The following TYR variants were observed in gnomAD, a reference collection of about 807,000 sequenced individuals.
TYR encodes the protein LB24-AB.
Under a neutral mutation model 51.5 loss-of-function variants are expected in TYR, and 58 were observed. That is an observed-to-expected ratio of 1.13 (90% CI 0.91 to 1.40). TYR has a LOEUF of 1.40. TYR is among the 40% of genes most tolerant of loss of function. The pLI, the probability that TYR is intolerant of heterozygous loss-of-function variation, is 0.00. For missense variants in TYR, 732 were observed against 647.4 expected (o/e 1.13, Z -1.42); for synonymous variants, 263 against 235.2 (o/e 1.12, Z -1.08).
intron 4 of TYR, among the ~76,000 whole-genome samples, chr11:89,288,324 G>A (rs970195736): frequency 2.0e-5 from 3 of 151,946 alleles, no homozygotes; most frequent in African/African-American, 7.2e-5. Flanking sequence ...GCTAGTAAGT[G>A]TCAAATACTG....
chr11:89,179,200 A>G (rs1943269192), intron 1 of TYR, among the ~76,000 whole-genome samples: 2 of 152,238 alleles, frequency 1.3e-5, no homozygotes, highest in African/African-American at 4.8e-5. Context: ...CATATGGTGT[A>G]CAAATTAAAA....
intron 2 of TYR, among the ~76,000 whole-genome samples, chr11:89,204,606 C>A (rs778252325): frequency 5.5e-4 from 83 of 151,966 alleles, no homozygotes; most frequent in Admixed American, 1.6e-3. Context: ...CTATGTTGGT[C>A]TGGCTAGCTC....
chr11:89,210,556 CAGG>C (rs1420347436), intron 2 of TYR, among the ~76,000 whole-genome samples: 1 of 152,126 alleles, frequency 6.6e-6, no homozygotes, highest in African/African-American at 2.4e-5. Flanking sequence ...GGATATTATC[CAGG>C]AGAACTTCCC....
At chr11:89,284,663 C>G in intron 3 of TYR, 110 bp from the exon 4 acceptor site, 1 of 968,696 alleles carries the variant, frequency 1.0e-6, no homozygotes, top group Non-Finnish European at 1.6e-6. Flanking sequence ...TATTCAACAT[C>G]TTTCCATGTC....
intron 3 of TYR, among the ~76,000 whole-genome samples, chr11:89,249,471 C>CA (rs35342940): frequency 0.44 from 30,870 of 69,438 alleles, 5,925 homozygotes; most frequent in Non-Finnish European, 0.5. Flanking sequence ...GCCATGTAGC[C>CA]AAAAAAAAAA....
intron 2 of TYR, among the ~76,000 whole-genome samples, chr11:89,221,094 A>G (rs1015790255): frequency 1.3e-5 from 2 of 152,196 alleles, no homozygotes; most frequent in African/African-American, 4.8e-5. Context: ...CTGTTTTCAA[A>G]CCTTATTTGC....
chr11:89,237,073 C>A (rs751443941), intron 3 of TYR, among the ~76,000 whole-genome samples: 4 of 152,160 alleles, frequency 2.6e-5, no homozygotes, highest in African/African-American at 4.8e-5. Flanking sequence ...TAATGGCCAA[C>A]ACACCACTGC....
chr11:89,231,205 G>GAAAAAAAA, intron 3 of TYR, among the ~76,000 whole-genome samples: 1 of 104,662 alleles, frequency 9.6e-6, no homozygotes. Flanking sequence ...AGGAATTGTT[G>GAAAAAAAA]TACTGTTCAT....
chr11:89,285,810 C>T (rs185505080), intron 4 of TYR, among the ~76,000 whole-genome samples: 1 of 151,876 alleles, frequency 6.6e-6, no homozygotes, highest in African/African-American at 2.4e-5. Context: ...GGAGGTCCTC[C>T]TCATCTCACC....
At chr11:89,222,673 A>T (rs1398385397) in intron 2 of TYR, among the ~76,000 whole-genome samples, 1 of 152,086 alleles carries the variant, frequency 6.6e-6, no homozygotes, top group Non-Finnish European at 1.5e-5. Flanking sequence ...CAGGAGGTGG[A>T]GGTTGCAGAA....
intron 3 of TYR, among the ~76,000 whole-genome samples, chr11:89,261,789 T>A (rs549369155): frequency 6.6e-6 from 1 of 152,178 alleles, no homozygotes; most frequent in African/African-American, 2.4e-5. Context: ...CAGGATTAAT[T>A]ACATGTGAGA....
chr11:89,264,425 T>C (rs1371435027), intron 3 of TYR, among the ~76,000 whole-genome samples: 83 of 152,010 alleles, frequency 5.5e-4, no homozygotes, highest in South Asian at 2.1e-4. Flanking sequence ...GTTGATTACA[T>C]AGGTAAACTA....
chr11:89,185,143 A>T (rs1591138546), intron 1 of TYR, among the ~76,000 whole-genome samples: 1 of 152,264 alleles, frequency 6.6e-6, no homozygotes. Context: ...GGGTCTTTAT[A>T]TCCCGTTAGC....
intron 3 of TYR, among the ~76,000 whole-genome samples, chr11:89,240,495 T>C (rs1342810144): frequency 1.3e-5 from 2 of 152,166 alleles, no homozygotes; most frequent in African/African-American, 4.8e-5. Flanking sequence ...TAAAAATTAG[T>C]TCTTTTTGTC....
rs759883540 is a variant in TYR at position 89,295,377 on chromosome 11, C to A, written c.*11C>A. ...CAGAGCCATTTATAAAAGGCTTAGG[C>A]AATAGAGTAGGGCCAAAAAGCCTGA... On this transcript the variant is annotated 3_prime_UTR_variant, in exon 5 of 5. Transcript: ENST00000263321. 39 of 1,574,128 alleles carry A rather than the reference C, an allele frequency of 2.5e-5. No individual in the cohort carries two copies. The highest frequency in any genetic ancestry group is 7.0e-5 in the Admixed American group (4 of 57,306).
chr11:89,178,113 T>C lies in TYR; in HGVS notation c.160T>C (p.Ser54Pro). ...SPCGQLSGRGSCQNILLSNAP... is the reference protein window; with the variant it reads ...SPCGQLSGRGPCQNILLSNAP... ...CTGTGGCCAGCTTTCAGGCAGAGGT[T>C]CCTGTCAGAATATCCTTCTGTCCAA... Residue 54 changes from serine (S) to proline (P), a missense_variant, in exon 1 of 5, where the codon TCC (serine) becomes CCC (proline). Coordinates refer to ENST00000263321, the MANE Select transcript of TYR (RefSeq NM_000372.5). 1 of 1,614,182 alleles carries C rather than the reference T, an allele frequency of 6.2e-7. No homozygotes were observed. Among genetic ancestry groups the C allele is most frequent in the Non-Finnish European group, 8.5e-7 (1 of 1,180,030 alleles).
intron 4 of TYR, among the ~76,000 whole-genome samples, chr11:89,288,254 G>GT (rs1944815123): frequency 6.6e-6 from 1 of 151,874 alleles, no homozygotes; most frequent in Non-Finnish European, 1.5e-5. Context: ...TTTTTATTCT[G>GT]TTTTACAGGT....
chr11:89,247,012 A>G (rs1716243257), intron 3 of TYR, among the ~76,000 whole-genome samples: 1 of 152,096 alleles, frequency 6.6e-6, no homozygotes. Context: ...TTCTTTTCAC[A>G]CTGTTGGATT....
intron 2 of TYR, among the ~76,000 whole-genome samples, chr11:89,212,441 A>T (rs956286582): frequency 7.2e-5 from 11 of 152,214 alleles, no homozygotes; most frequent in African/African-American, 2.7e-4. Flanking sequence ...TGAGGCAATA[A>T]TTAATAGCCT....
Sources: allele counts gnomAD v4.1 joint callset (sites outside exome capture counted in the v4.1 genomes callset), GRCh38; gene constraint gnomAD v4.1.1; transcripts MANE v1.5; gene names NCBI Gene and HGNC (gene_info 2026-07-23, HGNC 2026-07-21).